The following FGD4 variants were observed in gnomAD, a reference collection of about 807,000 sequenced individuals.
The protein encoded by FGD4 is FYVE, RhoGEF and PH domain containing 4.
FGD4 carries 42 observed loss-of-function variants against 102.0 expected under a neutral mutation model. That is an observed-to-expected ratio of 0.41 (90% CI 0.32 to 0.53). FGD4 has a LOEUF of 0.53. Among genes scored for constraint, FGD4 ranks in the 20% least tolerant of loss-of-function variants. The probability of loss-of-function intolerance (pLI) is 0.21; values close to 1 mark genes in which losing one functional copy is unlikely to be tolerated. For missense variants in FGD4, 902 were observed against 1,078.2 expected, an observed-to-expected ratio of 0.84 and a Z score of 2.29; for synonymous variants, 380 against 375.7, an observed-to-expected ratio of 1.01 and a Z score of -0.13.
chr12:32,457,154 T>C (rs1334586514), intron 1 of FGD4, among the ~76,000 whole-genome samples: 1 of 152,224 alleles, frequency 6.6e-6, no homozygotes, highest in African/African-American at 2.4e-5. Context: ...TTCTACATTA[T>C]GTCATTAGAA....
At chr12:32,539,907 G>A (rs1034689178) in intron 1 of FGD4, among the ~76,000 whole-genome samples, 10 of 152,112 alleles carry the variant, frequency 6.6e-5, no homozygotes, top group African/African-American at 1.9e-4. Context: ...TTATAAATGT[G>A]TAAGCCCCTT....
At chr12:32,469,860 T>C (rs1187472869) in intron 1 of FGD4, among the ~76,000 whole-genome samples, 2 of 151,872 alleles carry the variant, frequency 1.3e-5, no homozygotes, top group Non-Finnish European at 2.9e-5. Flanking sequence ...GGTTTCTCCA[T>C]GTTGGTCAGG....
chr12:32,403,715 G>C (rs1242436743), intron 1 of FGD4, among the ~76,000 whole-genome samples: 1 of 151,580 alleles, frequency 6.6e-6, no homozygotes, highest in Non-Finnish European at 1.5e-5. Context: ...TCCTGCCTCA[G>C]CCTCCCTAGT....
rs891096952 is a variant in FGD4, at chr12:32,544,863, A to G, written c.167-19274A>G. 6.6e-6 allele frequency among the ~76,000 whole-genome samples: 1 copy of G among 152,268 alleles called. No individual in the cohort carries two copies. The highest frequency in any genetic ancestry group is 2.4e-5 in the African/African-American group (1 of 41,472). The stretch of plus-strand genomic sequence containing the variant: ...ACTATTTTGATCCAAGCCTGTTAAT[A>G]ACACTAAGCATGGTGACTCTCAACC... On this transcript the variant is annotated intron_variant, in intron 1 of 16. Transcript: ENST00000534526. This position sits in a 1 kb window ranked among gnomAD's most constrained non-coding sequence, Gnocchi z 4.1.
At chr12:32,437,223 C>T (rs1029254763) in intron 1 of FGD4, among the ~76,000 whole-genome samples, 28 of 151,982 alleles carry the variant, frequency 1.8e-4, no homozygotes, top group Admixed American at 1.0e-3. Flanking sequence ...TTTGGCCAGA[C>T]GGCTGATTAC....
chr12:32,438,672 C>T (rs1372522754), intron 1 of FGD4, among the ~76,000 whole-genome samples: 5 of 151,028 alleles, frequency 3.3e-5, no homozygotes, highest in Admixed American at 1.3e-4. Flanking sequence ...TGCAGTGGCG[C>T]GATCTCAACT....
intron 4 of FGD4, among the ~76,000 whole-genome samples, chr12:32,583,303 C>T (rs1946759200): frequency 2.6e-5 from 4 of 152,102 alleles, no homozygotes; most frequent in Admixed American, 2.0e-4. Flanking sequence ...TGCCACTGCA[C>T]GCCAGCCAGG....
intron 1 of FGD4, among the ~76,000 whole-genome samples, chr12:32,546,107 T>C (rs1408264640): frequency 6.6e-6 from 1 of 152,256 alleles, no homozygotes; most frequent in African/African-American, 2.4e-5. Flanking sequence ...AGATCTTTGT[T>C]GTACTTATGT....
chr12:32,567,716 T>G (rs1945310648), intron 2 of FGD4, among the ~76,000 whole-genome samples: 1 of 147,348 alleles, frequency 6.8e-6, no homozygotes, highest in Admixed American at 6.8e-5. Context: ...GAGAGAGGGT[T>G]TTATTCTGTC....
At chr12:32,417,950 T>C (rs1292852341) in intron 1 of FGD4, among the ~76,000 whole-genome samples, 1 of 141,542 alleles carries the variant, frequency 7.1e-6, no homozygotes, top group Non-Finnish European at 1.5e-5. Flanking sequence ...CCTGGTGTCT[T>C]AGTTCTTTTT....
intron 1 of FGD4, among the ~76,000 whole-genome samples, chr12:32,426,329 T>C (rs1194460779): frequency 4.6e-5 from 7 of 152,136 alleles, no homozygotes; most frequent in African/African-American, 1.4e-4. Flanking sequence ...AATCATGTGG[T>C]TTTTGTCGTT....
At chr12:32,595,228 A>T (rs1042131011) in intron 4 of FGD4, among the ~76,000 whole-genome samples, 1 of 152,158 alleles carries the variant, frequency 6.6e-6, no homozygotes, top group African/African-American at 2.4e-5. Context: ...CCCACAATGT[A>T]TTTAAGTTTT....
intron 1 of FGD4, among the ~76,000 whole-genome samples, chr12:32,552,562 G>A (rs576029399): frequency 8.0e-5 from 12 of 149,658 alleles, no homozygotes; most frequent in Admixed American, 2.0e-4. Flanking sequence ...GATTACAGGC[G>A]TGAACCACCA....
At position 32,410,920 on chromosome 12, in the gene FGD4, CTTT is replaced by C. The variant is rs1019878194; in HGVS notation, c.166+10969_166+10971del. ...AAGCACAATGACTTTACAATGAACT[CTTT>C]TTTTTTTCTTTTTTTTTTTTTTTTT... On this transcript the variant is annotated intron_variant, in intron 1 of 16. Transcript: ENST00000534526. Among the ~76,000 whole-genome samples, 14 of 135,224 alleles carry C rather than the reference CTTT, an allele frequency of 1.0e-4. 1 individual carries two copies. Among genetic ancestry groups the C allele is most frequent in the African/African-American group, 3.1e-4 (11 of 35,372 alleles). 88.7% of individuals were successfully genotyped at this position (135,224 alleles called of 152,430 possible). A position where few individuals can be genotyped will look rare whatever the true frequency, so the allele number is the denominator to read the frequency against.
chr12:32,557,526 C>G (rs529202405), intron 1 of FGD4, among the ~76,000 whole-genome samples: 1 of 152,278 alleles, frequency 6.6e-6, no homozygotes, highest in Admixed American at 6.5e-5. Context: ...GTTATATTTA[C>G]CTTTACATGT....
Position 32,644,638 on chromosome 12 carries a change from T to G in FGD4, c.*4105T>G, listed in dbSNP as rs748290590. On this transcript the variant is annotated 3_prime_UTR_variant, in exon 17 of 17. Coordinates refer to ENST00000534526, the MANE Select transcript of FGD4 (RefSeq NM_001370298.3). ...GATAAGAAACTGAAACAAGCAAGAATGAAGAGAGATGTGGGGGAGAGACTG... is the reference window on the plus strand; with the variant it reads ...GATAAGAAACTGAAACAAGCAAGAAGGAAGAGAGATGTGGGGGAGAGACTG... 1 of 152,072 alleles carries G rather than the reference T, an allele frequency of 6.6e-6. No homozygotes were observed. Among genetic ancestry groups the G allele is most frequent in the East Asian group, 1.9e-4 (1 of 5,174 alleles). The allele number at this position is 152,072 out of a possible 1,614,324, so 9.4% of individuals were successfully genotyped here. A position where few individuals can be genotyped will look rare whatever the true frequency, so the allele number is the denominator to read the frequency against.
In FGD4 at chr12:32,598,643, CTAG is replaced by C. The variant is rs1189893211; in HGVS notation, c.1101+60_1101+62del. On this transcript the variant is annotated intron_variant, in intron 5 of 16. Transcript: ENST00000534526. ...TTTTGGCATTATACATCATTTTAAC[CTAG>C]TAATTAGAGTATTTTAGAAACTGCA... is the stretch of plus-strand genomic sequence containing the variant. The C allele has an allele frequency of 3.6e-6, 5 of 1,401,404 alleles. No homozygotes were observed. In the Admixed American group the frequency reaches 8.4e-5, roughly 24 times the overall value. The allele number at this position is 1,401,404 out of a possible 1,614,324, so 86.8% of individuals were successfully genotyped here. A position where few individuals can be genotyped will look rare whatever the true frequency, so the allele number is the denominator to read the frequency against.
At chr12:32,416,174 A>G (rs1042434664) in intron 1 of FGD4, among the ~76,000 whole-genome samples, 5 of 152,026 alleles carry the variant, frequency 3.3e-5, no homozygotes, top group African/African-American at 1.2e-4. Flanking sequence ...TAATTTTTGT[A>G]TTTTTTGTAA....
chr12:32,491,501 T>C (rs1944091031), intron 1 of FGD4, among the ~76,000 whole-genome samples: 1 of 152,226 alleles, frequency 6.6e-6, no homozygotes, highest in Non-Finnish European at 1.5e-5. Context: ...TCCCTTCCCT[T>C]GAAACACCTA....
Sources: allele counts gnomAD v4.1 joint callset (sites outside exome capture counted in the v4.1 genomes callset), GRCh38; gene constraint gnomAD v4.1.1; non-coding constraint Gnocchi (gnomAD v3.1); transcripts MANE v1.5; gene names NCBI Gene and HGNC (gene_info 2026-07-23, HGNC 2026-07-21).